Variants in BTG3 observed in about 807,000 individuals in gnomAD.
BTG3 encodes the protein protein BTG3.
A neutral mutation model predicts 25.8 loss-of-function variants in BTG3; 4 were observed. The observed-to-expected ratio is 0.16, with a 90% CI of 0.08 to 0.36. The LOEUF is 0.36. BTG3 is among the 10% of genes least tolerant of loss of function. The pLI, the probability that BTG3 is intolerant of heterozygous loss-of-function variation, is 1.00. For synonymous variants in BTG3, 107 were observed against 99.9 expected, an observed-to-expected ratio of 1.07 and a Z score of -0.42; for missense variants, 201 against 304.9, an observed-to-expected ratio of 0.66 and a Z score of 2.54.
chr21:17,598,911 C>T (rs1032779728), intron 3 of BTG3, 87 bp from the exon 4 acceptor site: 1 of 997,786 alleles, frequency 1.0e-6, no homozygotes, highest in Non-Finnish European at 1.5e-6. Flanking sequence ...TCTGGACATG[C>T]CATCAATACA....
chr21:17,607,924 A>T (rs1398026090), intron 2 of BTG3, among the ~76,000 whole-genome samples: 2 of 152,186 alleles, frequency 1.3e-5, no homozygotes, highest in African/African-American at 4.8e-5. Flanking sequence ...GCTCTTCTTT[A>T]CTTTAAGCTG....
chr21:17,598,630 CT>C lies in BTG3; in HGVS notation c.505del (p.Ser169ValfsTer60). ...TTTCATGGTTACCTGGTACACAGGA[CT>C]TGCGGCTGCAGTCACCGAACTGGGT... is the stretch of plus-strand genomic sequence containing the variant. Reference protein sequence around the residue: ...VKPSSVTAAASPVYQISELIF... With the variant: ...VKPSSVTAAAXPVYQISELIF... On this transcript the variant is annotated frameshift_variant, in exon 4 of 5. Coordinates refer to ENST00000348354, the MANE Select transcript of BTG3 (RefSeq NM_006806.5). LOFTEE classifies it high-confidence loss of function. 6.2e-7 allele frequency: 1 copy of C among 1,613,980 alleles called. No individual in the cohort carries two copies. The highest frequency in any genetic ancestry group is 8.5e-7 in the Non-Finnish European group (1 of 1,179,938).
At chr21:17,599,982 A>T (rs887283167) in intron 3 of BTG3, among the ~76,000 whole-genome samples, 36 of 152,196 alleles carry the variant, frequency 2.4e-4, no homozygotes, top group Non-Finnish European at 5.0e-4. Flanking sequence ...TGCTTAAATT[A>T]TATTGCTTAC....
chr21:17,605,020 TAATGGATTTA>T, intron 2 of BTG3, 23 bp from the exon 3 acceptor site: 1 of 1,609,440 alleles, frequency 6.2e-7, no homozygotes, highest in South Asian at 1.1e-5. Context: ...GGAGTTACGT[TAATGGATTTA>T]AATGAATTTA....
intron 4 of BTG3, 24 bp from the exon 5 acceptor site, chr21:17,594,356 G>A: frequency 6.3e-7 from 1 of 1,594,052 alleles, no homozygotes; most frequent in African/African-American, 1.4e-5. Flanking sequence ...AACACATTAA[G>A]TTAATTCAAA....
rs552951198 is a variant in BTG3 at position 17,593,707 on chromosome 21, AAAC to A, written c.*383_*385del. ...CTACATGATTTCACACAATTCTCTT[AAAC>A]AACGACATAAAATAGATTTCCTTGT... On this transcript the variant is annotated 3_prime_UTR_variant, in exon 5 of 5. Transcript: ENST00000348354. The A allele has an allele frequency of 1.1e-3, 188 of 164,880 alleles. No homozygotes were observed. Among genetic ancestry groups the A allele is most frequent in the Middle Eastern group, 2.8e-3 (1 of 362 alleles). The allele number at this position is 164,880 out of a possible 1,614,324, so 10.2% of individuals were successfully genotyped here.
chr21:17,596,893 G>A (rs1040955749), intron 4 of BTG3, among the ~76,000 whole-genome samples: 1 of 151,936 alleles, frequency 6.6e-6, no homozygotes, highest in Non-Finnish European at 1.5e-5. Context: ...CCTCTCTTGG[G>A]ATACCTTTTA....
chr21:17,605,166 GCA>G, intron 2 of BTG3, 169 bp from the exon 3 acceptor site: 2 of 716,406 alleles, frequency 2.8e-6, no homozygotes, highest in Non-Finnish European at 4.2e-6. Flanking sequence ...TGAACTACAG[GCA>G]CAGAGGCAGC....
chr21:17,594,363 C>T lies in BTG3; in HGVS notation c.520-31G>A, dbSNP rs1252598990. On this transcript the variant is annotated intron_variant, in intron 4 of 4. Coordinates refer to ENST00000348354, the MANE Select transcript of BTG3 (RefSeq NM_006806.5). ...GGGAAGAGAACACATTAAGTTAATT[C>T]AAAGGAAAAAATCATCATCTATGTT... 8 of 1,583,726 alleles carry T rather than the reference C, an allele frequency of 5.1e-6. No homozygotes were observed. In the South Asian group the frequency reaches 8.1e-5, roughly 16 times the overall value.
intron 3 of BTG3, among the ~76,000 whole-genome samples, chr21:17,601,032 G>A (rs1569179928): frequency 6.6e-6 from 1 of 152,130 alleles, no homozygotes; most frequent in Non-Finnish European, 1.5e-5. Flanking sequence ...GCATGGTGGT[G>A]TGCGCCTGTA....
chr21:17,601,651 C>A (rs1173745299), intron 3 of BTG3, among the ~76,000 whole-genome samples: 2 of 152,208 alleles, frequency 1.3e-5, no homozygotes, highest in African/African-American at 4.8e-5. Flanking sequence ...TACTCCATGT[C>A]CCCTCCACAG....
chr21:17,607,035 C>T (rs1374151325), intron 2 of BTG3, among the ~76,000 whole-genome samples: 1 of 152,172 alleles, frequency 6.6e-6, no homozygotes, highest in Non-Finnish European at 1.5e-5. Context: ...ATTCTACAGA[C>T]TGAAGTCTCT....
intron 3 of BTG3, among the ~76,000 whole-genome samples, chr21:17,600,431 T>C (rs1185860844): frequency 6.6e-6 from 1 of 152,248 alleles, no homozygotes; most frequent in Non-Finnish European, 1.5e-5. Context: ...TAGCTGAAGT[T>C]AATTCATTTC....
intron 1 of BTG3, among the ~76,000 whole-genome samples, chr21:17,610,663 G>A (rs1467948718): frequency 6.6e-6 from 1 of 152,180 alleles, no homozygotes; most frequent in African/African-American, 2.4e-5. Flanking sequence ...TCTGGCTGCT[G>A]TAACCTGGAG....
intron 2 of BTG3, among the ~76,000 whole-genome samples, chr21:17,608,312 G>T (rs1198504796): frequency 1.3e-5 from 2 of 151,892 alleles, no homozygotes; most frequent in Non-Finnish European, 2.9e-5. Flanking sequence ...GTTTGAGGCT[G>T]CAGTGAGCTA....
chr21:17,609,868 C>A (rs1398241578), intron 1 of BTG3, among the ~76,000 whole-genome samples: 2 of 151,984 alleles, frequency 1.3e-5, no homozygotes, highest in African/African-American at 2.4e-5. Flanking sequence ...ATGGGTGAAC[C>A]TTGAACACAG....
chr21:17,602,023 T>C (rs532018848), intron 3 of BTG3, among the ~76,000 whole-genome samples: 19 of 152,282 alleles, frequency 1.2e-4, no homozygotes, highest in Middle Eastern at 3.4e-3. Flanking sequence ...GGAGAATTAG[T>C]AGACACCTGG....
chr21:17,594,490 G>A (rs983318240), intron 4 of BTG3, among the ~76,000 whole-genome samples, 158 bp from the exon 5 acceptor site: 9 of 152,034 alleles, frequency 5.9e-5, no homozygotes, highest in Admixed American at 5.2e-4. Context: ...AACCTCATGT[G>A]TAATAGGCGT....
At chr21:17,608,084 T>TGCAA (rs1338631526) in intron 2 of BTG3, among the ~76,000 whole-genome samples, 4 of 152,160 alleles carry the variant, frequency 2.6e-5, no homozygotes, top group Non-Finnish European at 4.4e-5. Flanking sequence ...CCCAGAACCT[T>TGCAA]GGCCAGGCAT....
Sources: gnomAD v4.1 joint callset for allele counts (sites outside exome capture counted in the v4.1 genomes callset) on GRCh38, gnomAD v4.1.1 for gene constraint, MANE v1.5 for transcripts, NCBI Gene and HGNC (gene_info 2026-07-23, HGNC 2026-07-21) for gene names.